The following TRMT1L variants were observed in gnomAD, a reference collection of about 807,000 sequenced individuals.
The protein encoded by TRMT1L is tRNA (guanine(27)-N(2))-dimethyltransferase.
Under a neutral mutation model 81.6 loss-of-function variants are expected in TRMT1L, and 28 were observed. The ratio of observed to expected loss-of-function variants is 0.34; its 90% CI spans 0.25 to 0.47. TRMT1L has a LOEUF of 0.47. TRMT1L is among the 20% of genes least tolerant of loss of function. The probability of loss-of-function intolerance (pLI) is 1.00; values close to 1 mark genes in which losing one functional copy is unlikely to be tolerated. For missense variants in TRMT1L, 739 were observed against 877.1 expected, an observed-to-expected ratio of 0.84 and a Z score of 1.99; for synonymous variants, 301 against 303.2, an observed-to-expected ratio of 0.99 and a Z score of 0.07.
chr1:185,131,460 A>T (rs918574198), intron 10 of TRMT1L, among the ~76,000 whole-genome samples: 2 of 152,172 alleles, frequency 1.3e-5, no homozygotes, highest in Non-Finnish European at 2.9e-5. Flanking sequence ...CAAAACAAAC[A>T]AAAAACCCCT....
chr1:185,126,347 T>A (rs1251042544), intron 11 of TRMT1L, among the ~76,000 whole-genome samples: 1 of 152,054 alleles, frequency 6.6e-6, no homozygotes, highest in African/African-American at 2.4e-5. Context: ...CAGGCTAGAG[T>A]GCACTGGCGC....
chr1:185,132,046 C>G (rs969527121), intron 10 of TRMT1L, among the ~76,000 whole-genome samples: 1 of 151,984 alleles, frequency 6.6e-6, no homozygotes, highest in Non-Finnish European at 1.5e-5. Flanking sequence ...TAAGCTGAGG[C>G]AGGAGAATTG....
intron 3 of TRMT1L, among the ~76,000 whole-genome samples, chr1:185,148,917 T>C (rs1410481579): frequency 1.3e-5 from 2 of 152,344 alleles, no homozygotes; most frequent in Admixed American, 6.5e-5. Flanking sequence ...TCTTACTAGC[T>C]GCTTTATCAA....
intron 1 of TRMT1L, among the ~76,000 whole-genome samples, chr1:185,152,431 G>C (rs1393602083): frequency 6.6e-6 from 1 of 152,202 alleles, no homozygotes; most frequent in Non-Finnish European, 1.5e-5. Flanking sequence ...TATGTTTGGG[G>C]GGATGGAGTC....
At chr1:185,127,484 C>T (rs1259001804) in intron 11 of TRMT1L, among the ~76,000 whole-genome samples, 1 of 151,932 alleles carries the variant, frequency 6.6e-6, no homozygotes, top group Non-Finnish European at 1.5e-5. Flanking sequence ...CGGCCGGGTG[C>T]GGTAGCTCAC....
Position 185,120,457 on chromosome 1 carries a change from A to C in TRMT1L, c.1875T>G (p.Thr625=). Residue 625 remains threonine (T), a synonymous_variant, in exon 14 of 15, where the codon ACT becomes ACG. Transcript: ENST00000367506. ...MITNLGKKQK[T]DVSTEHPPFY... ...AGGGAGGATGTTCAGTACTGACATCAGTCTTTTGCTTCTTGCCTAAATTTG... is the reference window on the plus strand; with the variant it reads ...AGGGAGGATGTTCAGTACTGACATCCGTCTTTTGCTTCTTGCCTAAATTTG... The C allele has an allele frequency of 6.2e-7, 1 of 1,602,382 alleles. No homozygotes were observed. Among genetic ancestry groups the C allele is most frequent in the Non-Finnish European group, 8.5e-7 (1 of 1,175,690 alleles).
rs537936233 is a variant in TRMT1L, at chr1:185,156,383, C to T, written c.235+95G>A. 4.6e-5 allele frequency: 74 copies of T among 1,611,914 alleles called. No individual in the cohort carries two copies. In the African/African-American group the frequency reaches 8.8e-4, roughly 19 times the overall value. On this transcript the variant is annotated intron_variant, in intron 1 of 14. Transcript: ENST00000367506. ...CCATTTTCCTAAACCTGCCTTGCCC[C>T]ATAAAAACCATCCCGGTGAAGGGCC...
In TRMT1L at chr1:185,120,454, A is replaced by C; in HGVS notation, c.1878T>G (p.Asp626Glu). 2 of 1,603,472 alleles carry C rather than the reference A, an allele frequency of 1.2e-6. No homozygotes were observed. Among genetic ancestry groups the C allele is most frequent in the Non-Finnish European group, 8.5e-7 (1 of 1,176,098 alleles). Residue 626 changes from aspartate to glutamate, a missense_variant, in exon 14 of 15, where the codon GAT becomes GAG. Physicochemically the swap from Asp to Glu is conservative, Grantham distance 45 (BLOSUM62 2). Transcript: ENST00000367506. ...ITNLGKKQKTDVSTEHPPFYY... is the reference protein window; with the variant it reads ...ITNLGKKQKTEVSTEHPPFYY... Reference sequence around the variant, plus strand: ...AAAAGGGAGGATGTTCAGTACTGACATCAGTCTTTTGCTTCTTGCCTAAAT... The same window carrying C: ...AAAAGGGAGGATGTTCAGTACTGACCTCAGTCTTTTGCTTCTTGCCTAAAT...
intron 10 of TRMT1L, among the ~76,000 whole-genome samples, chr1:185,136,181 G>C (rs544735232): frequency 6.6e-6 from 1 of 152,118 alleles, no homozygotes; most frequent in African/African-American, 2.4e-5. Flanking sequence ...AGGATGCGGC[G>C]GGCAGATTAC....
intron 10 of TRMT1L, among the ~76,000 whole-genome samples, chr1:185,130,783 G>A (rs1012152977): frequency 1.3e-5 from 2 of 152,138 alleles, no homozygotes; most frequent in Non-Finnish European, 1.5e-5. Flanking sequence ...TTGAGAGTGA[G>A]ATGTCTGAAA....
chr1:185,136,612 T>A (rs542695416), intron 10 of TRMT1L, among the ~76,000 whole-genome samples: 75 of 152,306 alleles, frequency 4.9e-4, no homozygotes, highest in African/African-American at 1.7e-3. Context: ...GCCAACTGGG[T>A]TATTATTTAC....
At chr1:185,133,596 C>CTTT (rs780906966) in intron 10 of TRMT1L, among the ~76,000 whole-genome samples, 1 of 137,912 alleles carries the variant, frequency 7.3e-6, no homozygotes, top group African/African-American at 2.7e-5. Flanking sequence ...TTCTGACTTG[C>CTTT]TTTTTTTTTT....
At chr1:185,123,195 G>A (rs997130789) in intron 13 of TRMT1L, among the ~76,000 whole-genome samples, 1 of 152,096 alleles carries the variant, frequency 6.6e-6, no homozygotes, top group Non-Finnish European at 1.5e-5. Flanking sequence ...TTAAACTGCT[G>A]AGCAACTAAT....
In TRMT1L at chr1:185,141,073, G is replaced by T. The variant is rs919052052; in HGVS notation, c.860-851C>A. On this transcript the variant is annotated intron_variant, in intron 7 of 14. Coordinates refer to ENST00000367506, the MANE Select transcript of TRMT1L (RefSeq NM_030934.5). ...TTTCACAGTTTTTCCATATCTACTA[G>T]CTTAAAGTCATAAGGGACATTCATT... 7.3e-5 allele frequency among the ~76,000 whole-genome samples: 11 copies of T among 151,692 alleles called. No individual in the cohort carries two copies. In the East Asian group the frequency reaches 1.7e-3, roughly 24 times the overall value.
At chr1:185,141,996 T>C (rs1653062760) in intron 7 of TRMT1L, among the ~76,000 whole-genome samples, 2 of 152,046 alleles carry the variant, frequency 1.3e-5, no homozygotes, top group Admixed American at 1.3e-4. Flanking sequence ...TTGGTGGATA[T>C]GGAATGGAAA....
intron 3 of TRMT1L, among the ~76,000 whole-genome samples, chr1:185,149,452 G>T (rs971127367): frequency 2.6e-5 from 4 of 151,922 alleles, no homozygotes; most frequent in African/African-American, 9.7e-5. Flanking sequence ...ACAGGCACAG[G>T]CCACCTCGCC....
At chr1:185,147,085 T>C (rs1030119164) in intron 4 of TRMT1L, 97 bp downstream of exon 4, 9 of 754,462 alleles carry the variant, frequency 1.2e-5, no homozygotes, top group Non-Finnish European at 2.0e-5. Flanking sequence ...TAAACCACAC[T>C]GCTGAACATA....
At chr1:185,150,230 T>G in intron 3 of TRMT1L, 149 bp downstream of exon 3, 1 of 625,092 alleles carries the variant, frequency 1.6e-6, no homozygotes, top group Non-Finnish European at 2.8e-6. Flanking sequence ...CTATATGGTG[T>G]TTTATTAAAT....
At chr1:185,144,711 A>C (rs775861912) in intron 5 of TRMT1L, among the ~76,000 whole-genome samples, 2 of 138,384 alleles carry the variant, frequency 1.4e-5, no homozygotes, top group Non-Finnish European at 3.1e-5. Context: ...TCTTGATAAC[A>C]TTACAGTCGG....
Sources: allele counts gnomAD v4.1 joint callset (sites outside exome capture counted in the v4.1 genomes callset), GRCh38; gene constraint gnomAD v4.1.1; transcripts MANE v1.5; gene names NCBI Gene and HGNC (gene_info 2026-07-23, HGNC 2026-07-21).